GRM7: variants seen among roughly 807,000 people sequenced by gnomAD.
The protein encoded by GRM7 is metabotropic glutamate receptor 7.
Under a neutral mutation model 84.5 loss-of-function variants are expected in GRM7, and 35 were observed. The ratio of observed to expected loss-of-function variants is 0.41; its 90% CI spans 0.32 to 0.55. The LOEUF (loss-of-function observed/expected upper bound fraction) is 0.55, where lower values mean the gene tolerates loss of function less well. Among genes scored for constraint, GRM7 ranks in the 20% least tolerant of loss-of-function variants. The probability of loss-of-function intolerance (pLI) is 0.19; values close to 1 mark genes in which losing one functional copy is unlikely to be tolerated. For synonymous variants in GRM7, 487 were observed against 455.1 expected, an observed-to-expected ratio of 1.07 and a Z score of -0.89; for missense variants, 1,003 against 1,194.6, an observed-to-expected ratio of 0.84 and a Z score of 2.36.
At chr3:7,576,972 A>T (rs994718635) in intron 7 of GRM7, among the ~76,000 whole-genome samples, 9 of 152,190 alleles carry the variant, frequency 5.9e-5, no homozygotes, top group African/African-American at 2.2e-4. Context: ...CTCACCAGTG[A>T]TCTTTGTCTT....
At chr3:6,875,781 A>G (rs1695280170) in intron 1 of GRM7, among the ~76,000 whole-genome samples, 1 of 152,152 alleles carries the variant, frequency 6.6e-6, no homozygotes, top group African/African-American at 2.4e-5. Flanking sequence ...GCATCTTAGA[A>G]CCATAAATTG....
intron 1 of GRM7, among the ~76,000 whole-genome samples, chr3:7,015,331 C>G (rs67711396): frequency 0.25 from 37,752 of 152,048 alleles, 4,972 homozygotes; most frequent in South Asian, 0.38. Context: ...AAGGAACCAA[C>G]TGTGGATGCA....
At chr3:7,519,742 G>A (rs1700523699) in intron 7 of GRM7, 1 of 152,128 alleles carries the variant, frequency 6.6e-6, no homozygotes, top group African/African-American at 2.4e-5. Context: ...AGACAAATTT[G>A]TTTTGCTCAT....
At chr3:7,523,678 G>A (rs970400785) in intron 7 of GRM7, among the ~76,000 whole-genome samples, 1 of 152,112 alleles carries the variant, frequency 6.6e-6, no homozygotes, top group Non-Finnish European at 1.5e-5. Flanking sequence ...TAAAGGGGAG[G>A]AAATCTTCAA....
intron 1 of GRM7, among the ~76,000 whole-genome samples, chr3:7,139,213 C>T (rs11928675): frequency 0.2 from 30,816 of 150,400 alleles, 3,495 homozygotes; most frequent in Non-Finnish European, 0.25. Context: ...GAAAGAACAC[C>T]ACAGAGATTT....
rs117990846 is a variant in GRM7 at position 7,720,783 on chromosome 3, T to C, written c.2699-19574T>C. Among the ~76,000 whole-genome samples the C allele has an allele frequency of 4.1e-3, 631 of 152,362 alleles. 12 individuals carry two copies. In the East Asian group the frequency reaches 0.08, roughly 19 times the overall value. ...CTATCCAGCCATGTCTGGCACATAG[T>C]AGACAGCTGGAAAATGTTTGTTGAA... On this transcript the variant is annotated intron_variant, in intron 9 of 9. Coordinates refer to ENST00000357716, the MANE Select transcript of GRM7 (RefSeq NM_000844.4).
At chr3:7,172,558 C>T (rs545921495) in intron 2 of GRM7, among the ~76,000 whole-genome samples, 1 of 144,002 alleles carries the variant, frequency 6.9e-6, no homozygotes, top group Non-Finnish European at 1.5e-5. Context: ...CCGCCCCCCC[C>T]ACATATATCT....
chr3:7,071,521 C>G (rs7641859), intron 1 of GRM7, among the ~76,000 whole-genome samples: 2,796 of 152,078 alleles, frequency 0.018, 92 homozygotes, highest in African/African-American at 0.064. Flanking sequence ...GCTTTAAAAA[C>G]TTGCTGTCTT....
chr3:7,368,718 A>G (rs1315379322), intron 4 of GRM7, among the ~76,000 whole-genome samples: 2 of 152,114 alleles, frequency 1.3e-5, no homozygotes, highest in Non-Finnish European at 2.9e-5. Flanking sequence ...GGTTGTGGTG[A>G]AGATCAGATG....
At chr3:7,345,938 G>T (rs1692872110) in intron 4 of GRM7, among the ~76,000 whole-genome samples, 1 of 152,080 alleles carries the variant, frequency 6.6e-6, no homozygotes, top group Admixed American at 6.6e-5. Flanking sequence ...AAGACGTTAT[G>T]ATTAACAATA....
intron 1 of GRM7, among the ~76,000 whole-genome samples, chr3:6,973,355 G>A (rs1693841517): frequency 6.6e-6 from 1 of 152,104 alleles, no homozygotes; most frequent in Non-Finnish European, 1.5e-5. Context: ...CAGTACTAAA[G>A]ATTAGTGAAA....
intron 7 of GRM7, among the ~76,000 whole-genome samples, chr3:7,578,147 A>G (rs943574551): frequency 6.6e-6 from 1 of 152,102 alleles, no homozygotes; most frequent in African/African-American, 2.4e-5. Context: ...GGATATTCAT[A>G]TTTAGAATGT....
rs769481595 is a variant in GRM7 at position 7,461,633 on chromosome 3, C to T, written c.1426C>T (p.Arg476Cys). ...MFNKNGDAPG[R>C]YDIFQYQTTN... ...TAACAAGAACGGGGATGCACCTGGGCGTTATGACATCTTTCAGTACCAGAC... is the reference window on the plus strand; with the variant it reads ...TAACAAGAACGGGGATGCACCTGGGTGTTATGACATCTTTCAGTACCAGAC... Residue 476 changes from arginine (R) to cysteine (C), a missense_variant, in exon 7 of 10, where the codon CGT becomes TGT. By Grantham distance (180) the Arg-to-Cys change is radical. This residue lies in a region of GRM7 where 910 missense variants were observed against 1,126.0 expected (regional missense o/e 0.81). Transcript: ENST00000357716. The T allele has an allele frequency of 8.7e-6, 14 of 1,611,890 alleles. No individual in the cohort carries two copies. The highest frequency in any genetic ancestry group is 2.2e-5 in the East Asian group (1 of 44,870).
At chr3:7,030,738 A>C (rs1696156085) in intron 1 of GRM7, among the ~76,000 whole-genome samples, 1 of 152,222 alleles carries the variant, frequency 6.6e-6, no homozygotes, top group Non-Finnish European at 1.5e-5. Context: ...TTTGGAATTT[A>C]ATGGATTCCT....
intron 1 of GRM7, among the ~76,000 whole-genome samples, chr3:7,021,304 A>C (rs537765228): frequency 1.4e-4 from 22 of 152,286 alleles, no homozygotes; most frequent in Non-Finnish European, 2.9e-4. Flanking sequence ...ATTGATTTGA[A>C]TTGATTCTAT....
chr3:7,511,896 C>T lies in GRM7; in HGVS notation c.1515+50174C>T, dbSNP rs539813871. On this transcript the variant is annotated intron_variant, in intron 7 of 9. Coordinates refer to ENST00000357716, the MANE Select transcript of GRM7 (RefSeq NM_000844.4). ...GTGGCTCATGCCTGTAATCTCAGCACTTTGGGAGGCTGAGGTGGGAGAATT... is the reference window on the plus strand; with the variant it reads ...GTGGCTCATGCCTGTAATCTCAGCATTTTGGGAGGCTGAGGTGGGAGAATT... Among the ~76,000 whole-genome samples the T allele has an allele frequency of 2.6e-5, 4 of 152,234 alleles. No individual in the cohort carries two copies. In the South Asian group the frequency reaches 8.3e-4, roughly 32 times the overall value.
At chr3:7,012,520 G>A (rs1272826028) in intron 1 of GRM7, among the ~76,000 whole-genome samples, 5 of 151,958 alleles carry the variant, frequency 3.3e-5, no homozygotes, top group African/African-American at 4.8e-5. Flanking sequence ...TAAGAAAAAG[G>A]CAGAAGCAGG....
In GRM7 at chr3:6,862,054, C is replaced by T. The variant is rs1398991710; in HGVS notation, c.519+147C>T. The T allele has an allele frequency of 7.7e-6, 5 of 647,430 alleles. No homozygotes were observed. The highest frequency in any genetic ancestry group is 1.3e-5 in the Non-Finnish European group (5 of 378,302). The allele number at this position is 647,430 out of a possible 1,614,324, so 40.1% of individuals were successfully genotyped here. ...ATCCTGCCGAATCCCTCCCACCCCG[C>T]TCGAGGAGATACCTTCCCTGCTTGG... is the stretch of plus-strand genomic sequence containing the variant. On this transcript the variant is annotated intron_variant, in intron 1 of 9. Coordinates refer to ENST00000357716, the MANE Select transcript of GRM7 (RefSeq NM_000844.4). The surrounding 1 kb of genome is among the most constrained non-coding windows in gnomAD (Gnocchi z 5.2).
At position 7,579,244 on chromosome 3, in the gene GRM7, G is replaced by A. The variant is rs1486399116; in HGVS notation, c.2338G>A (p.Val780Ile). 1.2e-6 allele frequency: 2 copies of A among 1,612,036 alleles called. No individual in the cohort carries two copies. Among genetic ancestry groups the A allele is most frequent in the Non-Finnish European group, 1.7e-6 (2 of 1,178,188 alleles). Residue 780 changes from valine to isoleucine, a missense_variant, in exon 8 of 10, where the codon GTA becomes ATA. Coordinates refer to ENST00000357716, the MANE Select transcript of GRM7 (RefSeq NM_000844.4). ...CTVYAIKTRG[V>I]PENFNEAKPI... ...TGTGTATGCCATCAAGACTCGGGGT[G>A]TACCCGAGAATTTTAACGAAGCCAA...
Sources: gnomAD v4.1 joint callset for allele counts (sites outside exome capture counted in the v4.1 genomes callset) on GRCh38, gnomAD v4.1.1 for gene constraint, gnomAD v4.1.1 regional missense constraint, Gnocchi (gnomAD v3.1) non-coding constraint, MANE v1.5 for transcripts, NCBI Gene and HGNC (gene_info 2026-07-23, HGNC 2026-07-21) for gene names.